GSDMA: variants seen among roughly 807,000 people sequenced by gnomAD.
GSDMA encodes the protein gasdermin A.
GSDMA carries 55 observed loss-of-function variants against 54.3 expected under a neutral mutation model. The observed-to-expected ratio is 1.01, with a 90% CI of 0.82 to 1.27. GSDMA has a LOEUF of 1.27. Among genes scored for constraint, GSDMA ranks in the 50% most tolerant of loss-of-function variants. The pLI is 0.00. For synonymous variants in GSDMA, 211 were observed against 224.7 expected (o/e 0.94, Z 0.54); for missense variants, 542 against 542.6 (o/e 1.00, Z 0.01).
rs1190036688 is a variant in GSDMA, at chr17:39,976,891, T to G, written c.1171T>G (p.Ser391Ala). Reference sequence around the variant, plus strand: ...CCCCCTGCAACCTGAGCTGCTCTCCTCCCTTGGGGACGAGGAGCTGACCCT... The same window carrying G: ...CCCCCTGCAACCTGAGCTGCTCTCCGCCCTTGGGGACGAGGAGCTGACCCT... Reference protein sequence around the residue: ...VFPLQPELLSSLGDEELTLTE... With the variant: ...VFPLQPELLSALGDEELTLTE... Residue 391 changes from serine to alanine, a missense_variant, in exon 12 of 12, where the codon TCC (serine) becomes GCC (alanine). Coordinates refer to ENST00000301659, the MANE Select transcript of GSDMA (RefSeq NM_178171.5). The G allele has an allele frequency of 1.2e-6, 2 of 1,613,898 alleles. No individual in the cohort carries two copies. Among genetic ancestry groups the G allele is most frequent in the South Asian group, 2.2e-5 (2 of 91,078 alleles).
Position 39,976,919 on chromosome 17 carries a change from C to T in GSDMA, c.1199C>T (p.Thr400Met), listed in dbSNP as rs752835991. 1.4e-5 allele frequency: 22 copies of T among 1,613,884 alleles called. No homozygotes were observed. The highest frequency in any genetic ancestry group is 1.9e-5 in the Non-Finnish European group (22 of 1,179,904). ...SSLGDEELTL[T>M]EALVGLSGLE... is the part of the protein sequence containing the mutation. ...CTTGGGGACGAGGAGCTGACCCTCA[C>T]GGAGGCTCTAGTCGGGCTGAGTGGC... The change falls in exon 12 of 12, where the codon ACG (threonine) becomes ATG (methionine). Residue 400 changes from threonine (T) to methionine (M), a missense_variant. Coordinates refer to ENST00000301659, the MANE Select transcript of GSDMA (RefSeq NM_178171.5).
At chr17:39,972,472 A>G in intron 6 of GSDMA, 115 bp from the exon 7 acceptor site, 1 of 963,840 alleles carries the variant, frequency 1.0e-6, no homozygotes, top group Admixed American at 2.0e-5. Context: ...ATGAGCTAGC[A>G]TAATCTCCCT....
At chr17:39,973,032 C>G (rs994695868) in intron 7 of GSDMA, among the ~76,000 whole-genome samples, 1 of 152,038 alleles carries the variant, frequency 6.6e-6, no homozygotes, top group South Asian at 2.1e-4. Context: ...AGTGTAGTGG[C>G]GCAATCTCAG....
Position 39,977,293 on chromosome 17 carries a change from T to C in GSDMA, c.*235T>C, listed in dbSNP as rs1353181091. The stretch of plus-strand genomic sequence containing the variant: ...TTAAATTTTCTTTACTTTTCTTTTC[T>C]TTTTTTTTTTTTTTTTGAGATGGAG... On this transcript the variant is annotated 3_prime_UTR_variant, in exon 12 of 12. Transcript: ENST00000301659. 3.0e-5 allele frequency: 2 copies of C among 66,628 alleles called. No homozygotes were observed. Among genetic ancestry groups the C allele is most frequent in the African/African-American group, 7.8e-5 (1 of 12,880 alleles). The allele number at this position is 66,628 out of a possible 1,614,324, so 4.1% of individuals were successfully genotyped here.
At position 39,977,160 on chromosome 17, in the gene GSDMA, A is replaced by C. The variant is rs1980238039; in HGVS notation, c.*102A>C. ...CATTTCAGAGCCATCAGCTGAAGAC[A>C]TCTGAAATCTCAGCTGGTCACCCAT... is the stretch of plus-strand genomic sequence containing the variant. On this transcript the variant is annotated 3_prime_UTR_variant, in exon 12 of 12. Transcript: ENST00000301659. 16 of 1,380,214 alleles carry C rather than the reference A, an allele frequency of 1.2e-5. No individual in the cohort carries two copies. 85.5% of individuals were successfully genotyped at this position (1,380,214 alleles called of 1,614,324 possible).
chr17:39,973,422 A>G (rs1230455740), intron 7 of GSDMA, among the ~76,000 whole-genome samples: 1 of 146,074 alleles, frequency 6.8e-6, no homozygotes. Context: ...GGCGCGGGCC[A>G]CCACACTCGG....
chr17:39,973,426 C>T (rs554970867), intron 7 of GSDMA, among the ~76,000 whole-genome samples: 2 of 150,300 alleles, frequency 1.3e-5, no homozygotes, highest in Admixed American at 6.6e-5. Context: ...CGGGCCACCA[C>T]ACTCGGCGAA....
At chr17:39,971,952 A>G (rs1979970257) in intron 5 of GSDMA, among the ~76,000 whole-genome samples, 177 bp from the exon 6 acceptor site, 1 of 152,196 alleles carries the variant, frequency 6.6e-6, no homozygotes, top group Non-Finnish European at 1.5e-5. Context: ...CATAGTAGAG[A>G]ATTTATCAAG....
Position 39,974,542 on chromosome 17 carries a change from C to A in GSDMA, c.906+115C>A, listed in dbSNP as rs570846714. 4 of 1,146,650 alleles carry A rather than the reference C, an allele frequency of 3.5e-6. No homozygotes were observed. The South Asian group carries it at 6.3e-5, about 18-fold the overall frequency. 71.0% of individuals were successfully genotyped at this position (1,146,650 alleles called of 1,614,324 possible). A position where few individuals can be genotyped will look rare whatever the true frequency, so the allele number is the denominator to read the frequency against. ...TCTGACGGGGGCAGGAGGTGGGTGG[C>A]CAGGGGAGTCCACCTTAGATACCTT... On this transcript the variant is annotated intron_variant, in intron 9 of 11. Coordinates refer to ENST00000301659, the MANE Select transcript of GSDMA (RefSeq NM_178171.5).
intron 1 of GSDMA, among the ~76,000 whole-genome samples, chr17:39,963,463 G>A (rs1223381690): frequency 2.6e-5 from 4 of 152,168 alleles, no homozygotes; most frequent in Admixed American, 2.6e-4. Context: ...CAAGCCAGCT[G>A]GTGTGGCCTC....
At position 39,965,895 on chromosome 17, in the gene GSDMA, C is replaced by A. The variant is rs756280008; in HGVS notation, c.208C>A (p.Pro70Thr). 3 of 1,552,746 alleles carry A rather than the reference C, an allele frequency of 1.9e-6. No individual in the cohort carries two copies. Among genetic ancestry groups the A allele is most frequent in the Admixed American group, 2.0e-5 (1 of 51,092 alleles). ...GGATGTGCTTGAGCCCGGCAGCTCACCTTCAGGTCAGCCTCAAGCGGGGCT... is the reference window on the plus strand; with the variant it reads ...GGATGTGCTTGAGCCCGGCAGCTCAACTTCAGGTCAGCCTCAAGCGGGGCT... ...LLDVLEPGSS[P>T]SDPTDTGNFG... The change falls in exon 2 of 12, where the codon CCT (proline) becomes ACT (threonine). Residue 70 changes from proline to threonine, a missense_variant. Coordinates refer to ENST00000301659, the MANE Select transcript of GSDMA (RefSeq NM_178171.5).
At chr17:39,967,554 C>G (rs1290360330) in intron 3 of GSDMA, among the ~76,000 whole-genome samples, 3 of 152,186 alleles carry the variant, frequency 2.0e-5, no homozygotes. Context: ...TTGTAGGCAC[C>G]AGGAAGATCC....
At chr17:39,973,562 TA>T (rs1980056061) in intron 7 of GSDMA, among the ~76,000 whole-genome samples, 1 of 89,204 alleles carries the variant, frequency 1.1e-5, no homozygotes, top group Non-Finnish European at 2.3e-5. Flanking sequence ...GAGCCTGGCC[TA>T]GAAAAAAAAA....
chr17:39,964,603 C>T (rs775486294), intron 1 of GSDMA, among the ~76,000 whole-genome samples: 1 of 151,836 alleles, frequency 6.6e-6, no homozygotes, highest in African/African-American at 2.4e-5. Flanking sequence ...CCAGGCATCC[C>T]CCAGGGGCTG....
At chr17:39,969,610 CAG>C (rs1409133117) in intron 3 of GSDMA, among the ~76,000 whole-genome samples, 1 of 152,022 alleles carries the variant, frequency 6.6e-6, no homozygotes, top group Non-Finnish European at 1.5e-5. Flanking sequence ...GAGTATTGCA[CAG>C]AGTTAGGCGA....
intron 11 of GSDMA, among the ~76,000 whole-genome samples, chr17:39,976,468 G>A (rs1301495066): frequency 6.6e-6 from 1 of 152,026 alleles, no homozygotes. Context: ...AGTAGAGACA[G>A]GGTTTCACCA....
At chr17:39,975,060 G>C (rs1296195595) in intron 10 of GSDMA, 46 bp downstream of exon 10, 1 of 1,031,402 alleles carries the variant, frequency 9.7e-7, no homozygotes, top group South Asian at 1.4e-5. Context: ...TTCAGTAATA[G>C]GAATGAATCA....
chr17:39,967,545 T>G (rs547394903), intron 3 of GSDMA, among the ~76,000 whole-genome samples: 49 of 152,274 alleles, frequency 3.2e-4, no homozygotes, highest in African/African-American at 8.7e-4. Context: ...GAGACTGAAT[T>G]GTAGGCACCA....
chr17:39,972,115 C>CT lies in GSDMA; in HGVS notation c.656-12dup. On this transcript the variant is annotated splice_polypyrimidine_tract_variant and intron_variant, in intron 5 of 11. Transcript: ENST00000301659. The stretch of plus-strand genomic sequence containing the variant: ...CTAAGTGTCCTCCCACCCTCCCTCC[C>CT]TTGCCCTTCACAGATATTCCACATA... 2.1e-6 allele frequency: 3 copies of CT among 1,461,898 alleles called. No individual in the cohort carries two copies. The highest frequency in any genetic ancestry group is 2.1e-4 in the Middle Eastern group (1 of 4,732). 90.6% of individuals were successfully genotyped at this position (1,461,898 alleles called of 1,614,324 possible).
Sources: gnomAD v4.1 joint callset for allele counts (sites outside exome capture counted in the v4.1 genomes callset) on GRCh38, gnomAD v4.1.1 for gene constraint, MANE v1.5 for transcripts, NCBI Gene and HGNC (gene_info 2026-07-23, HGNC 2026-07-21) for gene names.